NLGN1: variants seen among roughly 807,000 people sequenced by gnomAD.
The protein encoded by NLGN1 is neuroligin-1.
Under a neutral mutation model 65.5 loss-of-function variants are expected in NLGN1, and 12 were observed. The ratio of observed to expected loss-of-function variants is 0.18; its 90% CI spans 0.12 to 0.30. The LOEUF (loss-of-function observed/expected upper bound fraction) is 0.30. Among genes scored for constraint, NLGN1 ranks in the 10% least tolerant of loss-of-function variants. The pLI is 1.00. For synonymous variants in NLGN1, 350 were observed against 359.5 expected (o/e 0.97, Z 0.30); for missense variants, 750 against 1,007.1 (o/e 0.74, Z 3.46).
At chr3:174,192,244 C>G (rs1162829715) in intron 4 of NLGN1, among the ~76,000 whole-genome samples, 1 of 151,794 alleles carries the variant, frequency 6.6e-6, no homozygotes, top group Non-Finnish European at 1.5e-5. Context: ...GAAATTTTAA[C>G]TTAAAAAATT....
chr3:173,786,403 G>A (rs1437183414), intron 3 of NLGN1, among the ~76,000 whole-genome samples: 6 of 151,928 alleles, frequency 3.9e-5, no homozygotes, highest in Non-Finnish European at 8.8e-5. Flanking sequence ...TGATTAACAA[G>A]AAATATCCAG....
At chr3:173,954,858 G>A (rs897840102) in intron 4 of NLGN1, among the ~76,000 whole-genome samples, 1 of 152,088 alleles carries the variant, frequency 6.6e-6, no homozygotes, top group African/African-American at 2.4e-5. Context: ...TCATAAATAT[G>A]AGAATTAGTC....
chr3:173,870,801 C>T (rs192118885), intron 4 of NLGN1, among the ~76,000 whole-genome samples: 181 of 152,296 alleles, frequency 1.2e-3, no homozygotes, highest in African/African-American at 4.1e-3. Flanking sequence ...CAGTTCCTGG[C>T]ACAGAGCTAC....
chr3:173,935,619 C>T (rs1040345819), intron 4 of NLGN1, among the ~76,000 whole-genome samples: 1 of 115,934 alleles, frequency 8.6e-6, no homozygotes, highest in Non-Finnish European at 1.9e-5. Context: ...CACACACACA[C>T]ACACTCTCTC....
chr3:173,491,027 A>T (rs1729049143), intron 2 of NLGN1, among the ~76,000 whole-genome samples: 1 of 151,882 alleles, frequency 6.6e-6, no homozygotes, highest in Non-Finnish European at 1.5e-5. Flanking sequence ...ATATACAATC[A>T]TGTCATCTGC....
chr3:173,579,921 C>T (rs557125041), intron 2 of NLGN1, among the ~76,000 whole-genome samples: 57 of 152,022 alleles, frequency 3.7e-4, no homozygotes, highest in African/African-American at 1.3e-3. Context: ...TTTCTAGCTT[C>T]AGAATTTTTA....
chr3:174,257,793 C>T, intron 4 of NLGN1, among the ~76,000 whole-genome samples: 1 of 150,830 alleles, frequency 6.6e-6, no homozygotes, highest in East Asian at 1.9e-4. Context: ...TTTTCATATG[C>T]AAAAATCAAA....
At chr3:173,591,346 A>G (rs1282407580) in intron 2 of NLGN1, among the ~76,000 whole-genome samples, 1 of 152,168 alleles carries the variant, frequency 6.6e-6, no homozygotes, top group East Asian at 1.9e-4. Flanking sequence ...TATATAAAGG[A>G]GATTGCTAGT....
intron 3 of NLGN1, among the ~76,000 whole-genome samples, chr3:173,628,914 G>A (rs897135992): frequency 6.6e-6 from 1 of 151,548 alleles, no homozygotes; most frequent in Non-Finnish European, 1.5e-5. Flanking sequence ...GGCTGGTCTC[G>A]AACTCCTGAC....
intron 4 of NLGN1, among the ~76,000 whole-genome samples, chr3:173,951,696 C>T (rs558486000): frequency 2.6e-5 from 4 of 151,962 alleles, no homozygotes; most frequent in South Asian, 2.1e-4. Context: ...CTCCTGACCT[C>T]GTGTTCTGCA....
intron 2 of NLGN1, among the ~76,000 whole-genome samples, chr3:173,452,005 C>G (rs1287292043): frequency 6.6e-6 from 1 of 152,222 alleles, no homozygotes; most frequent in Admixed American, 6.5e-5. Flanking sequence ...CCTTGTGCTT[C>G]CCGGGTGAGG....
chr3:173,504,854 T>G (rs1731733924), intron 2 of NLGN1, among the ~76,000 whole-genome samples: 1 of 152,028 alleles, frequency 6.6e-6, no homozygotes, highest in South Asian at 2.1e-4. Flanking sequence ...CCCTGCAGGC[T>G]TGTCCTCTTA....
At chr3:173,771,874 A>T (rs1274769416) in intron 3 of NLGN1, among the ~76,000 whole-genome samples, 1 of 151,904 alleles carries the variant, frequency 6.6e-6, no homozygotes. Flanking sequence ...AAATATACAT[A>T]TACATGCATC....
intron 3 of NLGN1, among the ~76,000 whole-genome samples, chr3:173,650,507 G>C (rs1758992342): frequency 6.6e-6 from 1 of 152,050 alleles, no homozygotes; most frequent in Non-Finnish European, 1.5e-5. Flanking sequence ...TGTATGTATT[G>C]TCAAACTTTA....
At chr3:174,184,948 C>T (rs187873209) in intron 4 of NLGN1, among the ~76,000 whole-genome samples, 1 of 152,132 alleles carries the variant, frequency 6.6e-6, no homozygotes, top group Non-Finnish European at 1.5e-5. Context: ...TCTTCAGATT[C>T]AGGAAAAAAT....
chr3:173,606,283 C>T (rs1319879768), intron 3 of NLGN1, among the ~76,000 whole-genome samples: 1 of 151,980 alleles, frequency 6.6e-6, no homozygotes, highest in Non-Finnish European at 1.5e-5. Flanking sequence ...ATTAAATCAA[C>T]CTTCAAATCA....
chr3:173,458,143 G>A (rs1383889986), intron 2 of NLGN1, among the ~76,000 whole-genome samples: 1 of 152,060 alleles, frequency 6.6e-6, no homozygotes, highest in African/African-American at 2.4e-5. Flanking sequence ...TCAGTGTTAG[G>A]AATTTCAGCA....
intron 2 of NLGN1, among the ~76,000 whole-genome samples, chr3:173,536,649 T>C (rs1737482566): frequency 6.6e-6 from 1 of 152,226 alleles, no homozygotes; most frequent in South Asian, 2.1e-4. Context: ...AATTACTTAA[T>C]GATTTACTCT....
intron 5 of NLGN1, among the ~76,000 whole-genome samples, chr3:174,276,969 C>A (rs553516336): frequency 2.1e-4 from 32 of 151,956 alleles, no homozygotes; most frequent in African/African-American, 7.7e-4. Flanking sequence ...CCACCTTTAG[C>A]TAGTATCAAA....
Sources: gnomAD v4.1 joint callset for allele counts (sites outside exome capture counted in the v4.1 genomes callset) on GRCh38, gnomAD v4.1.1 for gene constraint, MANE v1.5 for transcripts, NCBI Gene and HGNC (gene_info 2026-07-23, HGNC 2026-07-21) for gene names.